The following SESTD1 variants were observed in gnomAD, a reference collection of about 807,000 sequenced individuals.
SESTD1 encodes the protein SEC14 and spectrin domain containing 1.
Under a neutral mutation model 101.7 loss-of-function variants are expected in SESTD1, and 43 were observed. That is an observed-to-expected ratio of 0.42 (90% CI 0.33 to 0.55). The LOEUF is 0.55. SESTD1 is among the 20% of genes least tolerant of loss of function. The pLI, the probability that SESTD1 is intolerant of heterozygous loss-of-function variation, is 0.07. For synonymous variants in SESTD1, 283 were observed against 286.8 expected (o/e 0.99, Z 0.13); for missense variants, 647 against 815.1 (o/e 0.79, Z 2.51).
intron 13 of SESTD1, 129 bp downstream of exon 13, chr2:179,121,641 C>T: frequency 3.0e-6 from 2 of 663,416 alleles, no homozygotes; most frequent in Non-Finnish European, 4.4e-6. Flanking sequence ...TCACATTCAC[C>T]AAAAACCTAC....
intron 13 of SESTD1, 65 bp from the exon 14 acceptor site, chr2:179,117,678 T>A (rs2044663700): frequency 7.8e-7 from 1 of 1,289,394 alleles, no homozygotes; most frequent in Middle Eastern, 1.9e-4. Context: ...TGTAACATCA[T>A]CATTTGGTAC....
At chr2:179,195,963 C>T (rs369119946) in intron 1 of SESTD1, among the ~76,000 whole-genome samples, 18 of 151,642 alleles carry the variant, frequency 1.2e-4, no homozygotes, top group East Asian at 1.9e-4. Flanking sequence ...CCAAGATGGC[C>T]GAATAGGAAC....
chr2:179,102,693 T>C lies in SESTD1; in HGVS notation c.*7206A>G, dbSNP rs1394797569. 4 of 152,052 alleles carry C rather than the reference T, an allele frequency of 2.6e-5. No individual in the cohort carries two copies. The allele number at this position is 152,052 out of a possible 1,614,324, so 9.4% of individuals were successfully genotyped here. Reference sequence around the variant, plus strand: ...AGATGATTATAATTCTATAGACTAATACAGGTGAATGCTGTATGTAATAGA... The same window carrying C: ...AGATGATTATAATTCTATAGACTAACACAGGTGAATGCTGTATGTAATAGA... On this transcript the variant is annotated 3_prime_UTR_variant, in exon 18 of 18. Coordinates refer to ENST00000428443, the MANE Select transcript of SESTD1 (RefSeq NM_178123.5).
intron 1 of SESTD1, among the ~76,000 whole-genome samples, chr2:179,230,807 T>A (rs958030639): frequency 6.6e-6 from 1 of 151,872 alleles, no homozygotes; most frequent in Non-Finnish European, 1.5e-5. Context: ...ACAAAAAAAA[T>A]CTGATTCTAC....
At chr2:179,185,127 T>C (rs911176471) in intron 2 of SESTD1, among the ~76,000 whole-genome samples, 1 of 151,892 alleles carries the variant, frequency 6.6e-6, no homozygotes, top group Non-Finnish European at 1.5e-5. Context: ...ACAATCTTCT[T>C]GGAGGGCAAT....
At chr2:179,201,335 C>T (rs1361683717) in intron 1 of SESTD1, among the ~76,000 whole-genome samples, 1 of 125,684 alleles carries the variant, frequency 8.0e-6, no homozygotes, top group Non-Finnish European at 1.6e-5. Context: ...GGACTGTGAA[C>T]TAGTTCAACC....
chr2:179,237,492 GC>G (rs1281783523), intron 1 of SESTD1, among the ~76,000 whole-genome samples: 1 of 152,098 alleles, frequency 6.6e-6, no homozygotes, highest in Admixed American at 6.6e-5. Context: ...ACAAAGTCAG[GC>G]ACTGAGCCAG....
At chr2:179,188,699 C>T (rs1180487424) in intron 2 of SESTD1, among the ~76,000 whole-genome samples, 1 of 152,010 alleles carries the variant, frequency 6.6e-6, no homozygotes, top group African/African-American at 2.4e-5. Flanking sequence ...CAACAGACCA[C>T]TAGCTAGACT....
Position 179,110,019 on chromosome 2 carries a change from T to G in SESTD1, c.1971A>C (p.Gln657His). The G allele has an allele frequency of 6.2e-7, 1 of 1,613,686 alleles. No homozygotes were observed. The highest frequency in any genetic ancestry group is 2.2e-5 in the East Asian group (1 of 44,864). ...CCATGTCACTTGGACTCCCAAAATA[T>G]TGTTCGGTTCTAAAAATCAAAACAC... ...VPVVYPDGTE[Q>H]YFGSPSDMAS... Residue 657 changes from glutamine (Q) to histidine (H), a missense_variant, in exon 18 of 18, where the codon CAA (glutamine) becomes CAC (histidine). By Grantham distance (24) the Gln-to-His change is conservative. This residue lies in a region of SESTD1 where 476 missense variants were observed against 562.6 expected (regional missense o/e 0.85). Transcript: ENST00000428443.
intron 5 of SESTD1, among the ~76,000 whole-genome samples, chr2:179,151,691 C>T (rs933921334): frequency 6.6e-6 from 1 of 151,950 alleles, no homozygotes; most frequent in African/African-American, 2.4e-5. Flanking sequence ...ATAATCAATT[C>T]CTTAATGCAA....
Position 179,264,725 on chromosome 2 carries a change from G to C in SESTD1, c.-252C>G. ...CGTCAGGCGGGGAGCGGGGGTGCGG[G>C]TGGCCCGGCGACCTCTCGGCACCCG... On this transcript the variant is annotated 5_prime_UTR_variant, in exon 1 of 18. Coordinates refer to ENST00000428443, the MANE Select transcript of SESTD1 (RefSeq NM_178123.5). The C allele has an allele frequency of 6.6e-6, 1 of 151,350 alleles. No individual in the cohort carries two copies. The highest frequency in any genetic ancestry group is 6.6e-5 in the Admixed American group (1 of 15,128). The allele number at this position is 151,350 out of a possible 1,614,324, so 9.4% of individuals were successfully genotyped here.
intron 13 of SESTD1, among the ~76,000 whole-genome samples, chr2:179,118,931 A>C (rs1214804324): frequency 1.3e-5 from 2 of 152,226 alleles, no homozygotes; most frequent in African/African-American, 2.4e-5. Flanking sequence ...AGTCTTGAAG[A>C]GTAAGTAGGA....
chr2:179,187,752 C>A (rs1331055859), intron 2 of SESTD1, among the ~76,000 whole-genome samples: 5 of 151,604 alleles, frequency 3.3e-5, no homozygotes, highest in Admixed American at 3.3e-4. Flanking sequence ...TACACATATA[C>A]AAAACAAAAA....
At chr2:179,130,757 A>G (rs1339894536) in intron 10 of SESTD1, among the ~76,000 whole-genome samples, 6 of 152,108 alleles carry the variant, frequency 3.9e-5, no homozygotes, top group Non-Finnish European at 7.4e-5. Context: ...TCTAGAGTAA[A>G]TACAGTTTTT....
intron 1 of SESTD1, among the ~76,000 whole-genome samples, chr2:179,255,471 C>T (rs919823342): frequency 6.6e-6 from 1 of 152,244 alleles, no homozygotes; most frequent in African/African-American, 2.4e-5. Context: ...CCAGCCATAA[C>T]ATTCCCTTAA....
At chr2:179,133,439 G>T (rs976958328) in intron 9 of SESTD1, among the ~76,000 whole-genome samples, 3 of 152,112 alleles carry the variant, frequency 2.0e-5, no homozygotes, top group Admixed American at 2.0e-4. Flanking sequence ...GTTAAGCAAA[G>T]ATCAAGTTCT....
chr2:179,131,409 A>G lies in SESTD1; in HGVS notation c.972+895T>C, dbSNP rs572732044. 1.2e-4 allele frequency among the ~76,000 whole-genome samples: 19 copies of G among 152,332 alleles called. No individual in the cohort carries two copies. In the East Asian group the frequency reaches 2.5e-3, roughly 20 times the overall value. On this transcript the variant is annotated intron_variant, in intron 10 of 17. Coordinates refer to ENST00000428443, the MANE Select transcript of SESTD1 (RefSeq NM_178123.5). ...TAATACTATCCAACATAATTAGAGG[A>G]AAGAAGAAACGTTGCAGAAATTAAT... is the stretch of plus-strand genomic sequence containing the variant.
intron 5 of SESTD1, among the ~76,000 whole-genome samples, chr2:179,152,426 G>C (rs1408037894): frequency 1.3e-5 from 2 of 152,070 alleles, no homozygotes; most frequent in East Asian, 3.9e-4. Context: ...TGTGCTTGTT[G>C]AATCTCATAA....
intron 2 of SESTD1, among the ~76,000 whole-genome samples, chr2:179,187,554 G>C (rs2105492491): frequency 6.6e-6 from 1 of 152,170 alleles, no homozygotes; most frequent in African/African-American, 2.4e-5. Flanking sequence ...GGACTGCTTG[G>C]GCCCAGGAGG....
Sources: gnomAD v4.1 joint callset for allele counts (sites outside exome capture counted in the v4.1 genomes callset) on GRCh38, gnomAD v4.1.1 for gene constraint, gnomAD v4.1.1 regional missense constraint, MANE v1.5 for transcripts, NCBI Gene and HGNC (gene_info 2026-07-23, HGNC 2026-07-21) for gene names.